SLC25A48: variants seen among roughly 807,000 people sequenced by gnomAD.
The protein encoded by SLC25A48 is solute carrier family 25 member 48, also known as CTC-321K16.1.
A neutral mutation model predicts 32.2 loss-of-function variants in SLC25A48; 29 were observed. The observed-to-expected ratio is 0.90, with a 90% CI of 0.67 to 1.23. The LOEUF (loss-of-function observed/expected upper bound fraction) is 1.23. Ranked by LOEUF, SLC25A48 falls within the 50% of genes most tolerant of loss-of-function variation. SLC25A48 has a pLI of 0.00. For synonymous variants in SLC25A48, 164 were observed against 172.3 expected (o/e 0.95, Z 0.38); for missense variants, 399 against 422.7 (o/e 0.94, Z 0.49).
chr5:135,752,182 A>G (rs541513102), intron 3 of SLC25A48, among the ~76,000 whole-genome samples: 25 of 152,368 alleles, frequency 1.6e-4, no homozygotes, highest in Middle Eastern at 3.4e-3. Context: ...ATAAAATCTC[A>G]TCAAAATTAA....
chr5:135,773,688 G>A (rs528614436), intron 3 of SLC25A48, among the ~76,000 whole-genome samples: 20 of 151,544 alleles, frequency 1.3e-4, no homozygotes, highest in African/African-American at 4.6e-4. Flanking sequence ...ATCCAGGAAG[G>A]GAGAAGATTA....
At chr5:135,641,234 G>A (rs1362147127) in intron 3 of SLC25A48, among the ~76,000 whole-genome samples, 1 of 152,228 alleles carries the variant, frequency 6.6e-6, no homozygotes, top group African/African-American at 2.4e-5. Context: ...TATAGGGTTT[G>A]AGGAAGAGGC....
intron 1 of SLC25A48, among the ~76,000 whole-genome samples, chr5:135,628,313 A>C (rs2126904688): frequency 6.6e-6 from 1 of 152,286 alleles, no homozygotes; most frequent in Admixed American, 6.5e-5. Context: ...GAAGGGGGTC[A>C]ATTTACACCC....
At chr5:135,867,249 G>A (rs1396781712) in intron 4 of SLC25A48, among the ~76,000 whole-genome samples, 1 of 152,196 alleles carries the variant, frequency 6.6e-6, no homozygotes, top group Non-Finnish European at 1.5e-5. Context: ...TGGGCTGGGA[G>A]TTGGCAGTTT....
intron 4 of SLC25A48, among the ~76,000 whole-genome samples, chr5:135,859,411 C>CT (rs2126764877): frequency 6.6e-6 from 1 of 152,214 alleles, no homozygotes; most frequent in South Asian, 2.1e-4. Flanking sequence ...CAATTACCTC[C>CT]TACCAGATCC....
chr5:135,762,141 TG>T (rs1756076279), intron 3 of SLC25A48, among the ~76,000 whole-genome samples: 1 of 152,228 alleles, frequency 6.6e-6, no homozygotes, highest in Non-Finnish European at 1.5e-5. Flanking sequence ...ACTGAGCACT[TG>T]AAATGTGGTT....
In SLC25A48 at chr5:135,870,621, G is replaced by A. The variant is rs76065583; in HGVS notation, c.422-840G>A. ...CTACAACTGTTTAGGGCACAGCCTG[G>A]CCAGGGCTGGAGTGAGTCACTGAGA... On this transcript the variant is annotated intron_variant, in intron 4 of 7. Transcript: ENST00000681962. Among the ~76,000 whole-genome samples, 7 of 152,290 alleles carry A rather than the reference G, an allele frequency of 4.6e-5. No individual in the cohort carries two copies. The East Asian group carries it at 5.8e-4, about 13-fold the overall frequency.
intron 3 of SLC25A48, among the ~76,000 whole-genome samples, chr5:135,752,950 T>C (rs1451197975): frequency 6.6e-6 from 1 of 152,076 alleles, no homozygotes; most frequent in East Asian, 1.9e-4. Flanking sequence ...TTCTCGAGGA[T>C]ATATTTTACA....
intron 3 of SLC25A48, among the ~76,000 whole-genome samples, chr5:135,704,107 G>C (rs1339280935): frequency 1.3e-5 from 2 of 152,232 alleles, no homozygotes; most frequent in African/African-American, 4.8e-5. Context: ...GAAGGCAAAG[G>C]TTTCAGTGAT....
At chr5:135,745,724 C>G (rs940787273) in intron 3 of SLC25A48, among the ~76,000 whole-genome samples, 4 of 152,172 alleles carry the variant, frequency 2.6e-5, no homozygotes, top group Non-Finnish European at 5.9e-5. Flanking sequence ...AAGCTAAACT[C>G]CACTAGGGCA....
At chr5:135,591,910 C>T (rs1014455642) in intron 1 of SLC25A48, among the ~76,000 whole-genome samples, 2 of 152,224 alleles carry the variant, frequency 1.3e-5, no homozygotes, top group Admixed American at 6.5e-5. Flanking sequence ...GCTCTGTGAG[C>T]GGAGAACCTA....
chr5:135,650,213 C>G (rs79961032), intron 3 of SLC25A48: 3,819 of 308,960 alleles, frequency 0.012, 159 homozygotes, highest in African/African-American at 0.081. Context: ...CTTGCTGAGG[C>G]CTGTATTCTC....
intron 3 of SLC25A48, among the ~76,000 whole-genome samples, chr5:135,655,459 T>C (rs968900253): frequency 6.6e-6 from 1 of 152,164 alleles, no homozygotes. Flanking sequence ...CAGTGAGAAG[T>C]GGTCCTTTTG....
intron 3 of SLC25A48, among the ~76,000 whole-genome samples, chr5:135,788,465 G>A (rs1400844459): frequency 6.7e-6 from 1 of 148,876 alleles, no homozygotes; most frequent in African/African-American, 2.5e-5. Flanking sequence ...CATTATATTC[G>A]TGGGGGGAGA....
chr5:135,871,816 G>C (rs200832354), intron 5 of SLC25A48, 98 bp downstream of exon 5: 2 of 1,568,046 alleles, frequency 1.3e-6, no homozygotes, highest in Non-Finnish European at 1.7e-6. Context: ...GGGGAGGGCA[G>C]GACACATTTA....
At chr5:135,815,400 C>T (rs1202314693) in intron 4 of SLC25A48, among the ~76,000 whole-genome samples, 1 of 152,164 alleles carries the variant, frequency 6.6e-6, no homozygotes. Context: ...TGTTCTCTTG[C>T]CAGCTGCTCA....
chr5:135,598,397 C>A (rs10515473), intron 1 of SLC25A48, among the ~76,000 whole-genome samples: 42,122 of 152,074 alleles, frequency 0.28, 6,168 homozygotes, highest in African/African-American at 0.35. Context: ...GTTTTCCTTC[C>A]TCACTAACAT....
intron 3 of SLC25A48, among the ~76,000 whole-genome samples, chr5:135,696,602 C>A (rs1242438103): frequency 6.6e-6 from 1 of 152,224 alleles, no homozygotes; most frequent in African/African-American, 2.4e-5. Context: ...CAAAGCAAAT[C>A]CACACAATGG....
chr5:135,755,807 G>A (rs549003233), intron 3 of SLC25A48, among the ~76,000 whole-genome samples: 50 of 151,634 alleles, frequency 3.3e-4, no homozygotes, highest in African/African-American at 1.1e-3. Flanking sequence ...ATATCGCTGC[G>A]ACATTTATCT....
Sources: gnomAD v4.1 joint callset for allele counts (sites outside exome capture counted in the v4.1 genomes callset) on GRCh38, gnomAD v4.1.1 for gene constraint, MANE v1.5 for transcripts, NCBI Gene and HGNC (gene_info 2026-07-23, HGNC 2026-07-21) for gene names.